Variants in KCNH5 observed in about 807,000 individuals in gnomAD.
KCNH5 encodes the protein voltage-gated delayed rectifier potassium channel KCNH5.
A neutral mutation model predicts 96.1 loss-of-function variants in KCNH5; 46 were observed. The ratio of observed to expected loss-of-function variants is 0.48; its 90% CI spans 0.38 to 0.61. KCNH5 has a LOEUF of 0.61. Ranked by LOEUF, KCNH5 falls within the 20% of genes least tolerant of loss-of-function variation. KCNH5 has a pLI of 0.00. For missense variants in KCNH5, 907 were observed against 1,225.8 expected, an observed-to-expected ratio of 0.74 and a Z score of 3.88; for synonymous variants, 439 against 449.8, an observed-to-expected ratio of 0.98 and a Z score of 0.30.
intron 2 of KCNH5, among the ~76,000 whole-genome samples, chr14:63,011,339 A>G (rs113264589): frequency 0.013 from 2,021 of 152,088 alleles, 20 homozygotes; most frequent in Middle Eastern, 0.024. Flanking sequence ...TTAGCTAGGC[A>G]TGGTGGCGGG....
intron 8 of KCNH5, among the ~76,000 whole-genome samples, chr14:62,839,839 G>T (rs541828903): frequency 6.6e-6 from 1 of 152,158 alleles, no homozygotes; most frequent in South Asian, 2.1e-4. Flanking sequence ...TATAAAATAG[G>T]TGAAAAGTTT....
chr14:62,867,267 G>A (rs1888153147), intron 7 of KCNH5, among the ~76,000 whole-genome samples: 1 of 152,166 alleles, frequency 6.6e-6, no homozygotes, highest in African/African-American at 2.4e-5. Context: ...AAGGTTCAGT[G>A]CAGTCAGGCG....
At chr14:62,765,290 T>C (rs988761097) in intron 10 of KCNH5, among the ~76,000 whole-genome samples, 1 of 152,154 alleles carries the variant, frequency 6.6e-6, no homozygotes, top group Non-Finnish European at 1.5e-5. Context: ...CCCTATTCCA[T>C]AAATAGTGCT....
intron 10 of KCNH5, among the ~76,000 whole-genome samples, chr14:62,761,209 G>C (rs1363798325): frequency 6.6e-6 from 1 of 151,668 alleles, no homozygotes; most frequent in Non-Finnish European, 1.5e-5. Flanking sequence ...ACAAAAATTA[G>C]CTGGGTGTGG....
At chr14:62,953,488 T>C (rs1890044763) in intron 6 of KCNH5, among the ~76,000 whole-genome samples, 1 of 152,130 alleles carries the variant, frequency 6.6e-6, no homozygotes, top group African/African-American at 2.4e-5. Context: ...CTGCCGTGCG[T>C]TTCCTCTTGG....
At chr14:62,995,828 G>A (rs1478147470) in intron 4 of KCNH5, among the ~76,000 whole-genome samples, 1 of 152,044 alleles carries the variant, frequency 6.6e-6, no homozygotes, top group Non-Finnish European at 1.5e-5. Flanking sequence ...TCCCCCACTA[G>A]AATGTGACAG....
rs1047032620 is a variant in KCNH5, at chr14:62,724,960, G to A, written c.2020-16505C>T. On this transcript the variant is annotated intron_variant, in intron 10 of 10. Coordinates refer to ENST00000322893, the MANE Select transcript of KCNH5 (RefSeq NM_139318.5). ...ACAGCAAAGCCGGCAGAGGCCCTAC[G>A]AAGTACACCTTGAGCTGTCATCATT... Among the ~76,000 whole-genome samples the A allele has an allele frequency of 3.3e-5, 5 of 152,182 alleles. No individual in the cohort carries two copies. In the East Asian group the frequency reaches 5.8e-4, roughly 18 times the overall value.
At chr14:62,988,150 T>C (rs1299411797) in intron 4 of KCNH5, among the ~76,000 whole-genome samples, 2 of 152,034 alleles carry the variant, frequency 1.3e-5, no homozygotes, top group African/African-American at 4.8e-5. Flanking sequence ...GAAATGTCAA[T>C]AAGAAGTGAA....
chr14:62,963,596 A>C (rs1007879351), intron 6 of KCNH5, among the ~76,000 whole-genome samples: 6 of 152,104 alleles, frequency 3.9e-5, no homozygotes, highest in Non-Finnish European at 8.8e-5. Flanking sequence ...AGGCAGAAAA[A>C]AGGAGAGAAT....
intron 9 of KCNH5, among the ~76,000 whole-genome samples, chr14:62,781,641 A>G (rs142494047): frequency 0.011 from 1,698 of 152,294 alleles, 34 homozygotes; most frequent in African/African-American, 0.039. Flanking sequence ...TATTTCTCCC[A>G]TTTGCTTTTG....
chr14:62,803,844 C>A (rs957525070), intron 8 of KCNH5, among the ~76,000 whole-genome samples: 8 of 152,156 alleles, frequency 5.3e-5, no homozygotes, highest in African/African-American at 1.9e-4. Flanking sequence ...GTAAACTATT[C>A]TTTATAGCCA....
At chr14:62,830,820 C>T (rs1887331424) in intron 8 of KCNH5, among the ~76,000 whole-genome samples, 1 of 151,332 alleles carries the variant, frequency 6.6e-6, no homozygotes, top group Middle Eastern at 3.4e-3. Context: ...TGTATATTAC[C>T]AGATTTTTTT....
intron 6 of KCNH5, among the ~76,000 whole-genome samples, chr14:62,959,257 ACAG>A (rs1435906449): frequency 2.2e-4 from 34 of 152,128 alleles, no homozygotes; most frequent in Admixed American, 2.1e-3. Flanking sequence ...CTCTCTTTTA[ACAG>A]CAAACTCCTG....
intron 9 of KCNH5, among the ~76,000 whole-genome samples, chr14:62,799,885 C>G (rs1886624699): frequency 7.0e-6 from 1 of 143,086 alleles, no homozygotes; most frequent in Non-Finnish European, 1.5e-5. Context: ...CCTTCACACC[C>G]TGATAATTTT....
chr14:62,882,796 C>G (rs981702434), intron 7 of KCNH5, among the ~76,000 whole-genome samples: 8 of 152,156 alleles, frequency 5.3e-5, no homozygotes, highest in Non-Finnish European at 2.9e-5. Flanking sequence ...TGCAAATTCC[C>G]AAGCCATCAG....
intron 10 of KCNH5, among the ~76,000 whole-genome samples, chr14:62,711,231 C>A (rs1025239524): frequency 3.3e-5 from 5 of 152,006 alleles, no homozygotes; most frequent in Non-Finnish European, 7.4e-5. Context: ...GCCCCCCACC[C>A]ACCCCCAACC....
intron 8 of KCNH5, among the ~76,000 whole-genome samples, chr14:62,817,369 T>G (rs1887009302): frequency 6.8e-6 from 1 of 147,632 alleles, no homozygotes. Context: ...AAACAGGAAT[T>G]CTGGAGCTTA....
At chr14:62,944,199 G>A (rs563976029) in intron 7 of KCNH5, among the ~76,000 whole-genome samples, 5 of 152,216 alleles carry the variant, frequency 3.3e-5, no homozygotes, top group East Asian at 3.9e-4. Context: ...CCTAGGAATC[G>A]GGATTGTTGC....
chr14:62,724,603 G>A (rs1387756), intron 10 of KCNH5, among the ~76,000 whole-genome samples: 141,490 of 152,216 alleles, frequency 0.93, 66,411 homozygotes, highest in Non-Finnish European at 1. Flanking sequence ...AGCTGCTTTT[G>A]TTTGTGTTTT....
Sources: gnomAD v4.1 joint callset for allele counts (sites outside exome capture counted in the v4.1 genomes callset) on GRCh38, gnomAD v4.1.1 for gene constraint, MANE v1.5 for transcripts, NCBI Gene and HGNC (gene_info 2026-07-23, HGNC 2026-07-21) for gene names.